ADAP2: variants seen among roughly 807,000 people sequenced by gnomAD.
ADAP2 encodes ArfGAP with dual PH domains 2.
ADAP2 carries 42 observed loss-of-function variants against 54.9 expected under a neutral mutation model. The observed-to-expected ratio is 0.77, with a 90% CI of 0.60 to 0.99. ADAP2 has a LOEUF of 0.99. ADAP2 is among the 50% of genes least tolerant of loss of function. The pLI is 0.00. For synonymous variants in ADAP2, 177 were observed against 180.1 expected, an observed-to-expected ratio of 0.98 and a Z score of 0.14; for missense variants, 429 against 480.4, an observed-to-expected ratio of 0.89 and a Z score of 1.00.
chr17:30,931,988 CT>C lies in ADAP2; in HGVS notation c.397+24del. On this transcript the variant is annotated intron_variant, in intron 4 of 10. Transcript: ENST00000330889. ...TCCCAGGTAAAGTTATTTCCATCAC[CT>C]TTTGAAATCTATGTTTTAATGAGCT... The C allele has an allele frequency of 6.2e-7, 1 of 1,607,618 alleles. No homozygotes were observed. The highest frequency in any genetic ancestry group is 8.5e-7 in the Non-Finnish European group (1 of 1,175,026).
chr17:30,947,640 A>C (rs894282915), intron 6 of ADAP2, among the ~76,000 whole-genome samples: 4 of 152,206 alleles, frequency 2.6e-5, no homozygotes, highest in Non-Finnish European at 5.9e-5. Context: ...GGCGTGAGCC[A>C]CTGCACCTGG....
chr17:30,929,452 G>C (rs959488575), intron 3 of ADAP2, among the ~76,000 whole-genome samples: 1 of 152,138 alleles, frequency 6.6e-6, no homozygotes, highest in South Asian at 2.1e-4. Context: ...GCTGTGCTAG[G>C]CTTCCTGCCG....
chr17:30,953,360 A>G lies in ADAP2; in HGVS notation c.804+10A>G, dbSNP rs776201148. On this transcript the variant is annotated intron_variant, in intron 8 of 10. Transcript: ENST00000330889. ...AAAGACTGGGCCAAAGGTACCTTCT[A>G]TCACTCCCTGGGGAACTTAATATGG... The G allele has an allele frequency of 1.1e-5, 18 of 1,613,208 alleles. No homozygotes were observed. The highest frequency in any genetic ancestry group is 2.2e-5 in the East Asian group (1 of 44,866).
intron 3 of ADAP2, among the ~76,000 whole-genome samples, chr17:30,929,619 C>T (rs1319725625): frequency 6.6e-6 from 1 of 152,222 alleles, no homozygotes; most frequent in East Asian, 1.9e-4. Context: ...GGTTTCCACC[C>T]TCATGGTGGG....
Position 30,957,893 on chromosome 17 carries a change from C to G in ADAP2, c.*24C>G, listed in dbSNP as rs1598062994. The G allele has an allele frequency of 6.2e-7, 1 of 1,609,998 alleles. No homozygotes were observed. Among genetic ancestry groups the G allele is most frequent in the Non-Finnish European group, 8.5e-7 (1 of 1,177,728 alleles). On this transcript the variant is annotated 3_prime_UTR_variant, in exon 11 of 11. Coordinates refer to ENST00000330889, the MANE Select transcript of ADAP2 (RefSeq NM_018404.3). ...GACCCATTAACTGAGGAACTGGCTG[C>G]CACTGAACACCTGGAACTCCTTGTG...
At position 30,922,977 on chromosome 17, in the gene ADAP2, C is replaced by G; in HGVS notation, c.132C>G (p.Ile44Met). The change falls in exon 2 of 11, where the codon ATC (isoleucine) becomes ATG (methionine). Residue 44 changes from isoleucine (I) to methionine (M), a missense_variant. Physicochemically the swap from Ile to Met is conservative, Grantham distance 10. Coordinates refer to ENST00000330889, the MANE Select transcript of ADAP2 (RefSeq NM_018404.3). ...DWASYKLGIF[I>M]CLNCCGVHRN... ...CCTCTTACAAGCTGGGGATCTTCAT[C>G]TGTCTCAACTGCTGCGGCGTCCACC... 1 of 1,614,094 alleles carries G rather than the reference C, an allele frequency of 6.2e-7. No individual in the cohort carries two copies. Among genetic ancestry groups the G allele is most frequent in the Non-Finnish European group, 8.5e-7 (1 of 1,179,994 alleles).
intron 8 of ADAP2, 48 bp downstream of exon 8, chr17:30,953,398 A>G (rs974531501): frequency 2.0e-5 from 31 of 1,574,184 alleles, no homozygotes; most frequent in Non-Finnish European, 2.3e-5. Context: ...TAATGTATAT[A>G]GAAGGTTTCA....
rs139279008 is a variant in ADAP2 at position 30,958,350 on chromosome 17, C to T, written c.*481C>T. ...AGTGAAAGATAAAGTAGTCAATGGC[C>T]GGGCGCAGTGAGATTGCGCCATTGC... On this transcript the variant is annotated 3_prime_UTR_variant, in exon 11 of 11. Coordinates refer to ENST00000330889, the MANE Select transcript of ADAP2 (RefSeq NM_018404.3). The T allele has an allele frequency of 2.6e-3, 399 of 153,668 alleles. 1 individual carries two copies. Among genetic ancestry groups the T allele is most frequent in the African/African-American group, 9.1e-3 (378 of 41,560 alleles). 9.5% of individuals were successfully genotyped at this position (153,668 alleles called of 1,614,324 possible). A position where few individuals can be genotyped will look rare whatever the true frequency, so the allele number is the denominator to read the frequency against.
chr17:30,931,016 T>C (rs1156332898), intron 3 of ADAP2, among the ~76,000 whole-genome samples: 2 of 152,060 alleles, frequency 1.3e-5, no homozygotes, highest in Admixed American at 6.6e-5. Context: ...GGTCACACAG[T>C]GGATAAATGA....
intron 6 of ADAP2, among the ~76,000 whole-genome samples, chr17:30,945,397 C>G (rs2135866): frequency 1.3e-5 from 2 of 152,102 alleles, no homozygotes; most frequent in Admixed American, 1.3e-4. Flanking sequence ...AGTCAGGCAG[C>G]AGTGCACCCC....
At chr17:30,948,064 G>A (rs1008525298) in intron 6 of ADAP2, among the ~76,000 whole-genome samples, 3 of 152,162 alleles carry the variant, frequency 2.0e-5, no homozygotes, top group South Asian at 2.1e-4. Context: ...ACTAACCTGC[G>A]GGATAAGTGG....
chr17:30,938,907 C>T (rs1420660175), intron 5 of ADAP2, among the ~76,000 whole-genome samples: 2 of 152,054 alleles, frequency 1.3e-5, no homozygotes, highest in East Asian at 3.9e-4. Context: ...CCCTAAATAT[C>T]CTGGCTTGAT....
chr17:30,949,539 G>A (rs1904439686), intron 7 of ADAP2, among the ~76,000 whole-genome samples, 169 bp downstream of exon 7: 1 of 152,106 alleles, frequency 6.6e-6, no homozygotes, highest in East Asian at 1.9e-4. Context: ...ACAAGGTCAG[G>A]AGATCGAGAC....
intron 5 of ADAP2, among the ~76,000 whole-genome samples, chr17:30,935,250 C>T (rs1911788927): frequency 6.6e-6 from 1 of 152,126 alleles, no homozygotes; most frequent in South Asian, 2.1e-4. Context: ...TGCCTGTAAT[C>T]CCAGCTACTC....
At chr17:30,944,702 C>G (rs1350268949) in intron 5 of ADAP2, among the ~76,000 whole-genome samples, 1 of 152,108 alleles carries the variant, frequency 6.6e-6, no homozygotes, top group Non-Finnish European at 1.5e-5. Context: ...ATAGGTGATC[C>G]ACCCACCTCA....
chr17:30,956,319 A>C lies in ADAP2; in HGVS notation c.961A>C (p.Ile321Leu), dbSNP rs1450050051. The C allele has an allele frequency of 1.2e-6, 2 of 1,614,226 alleles. No individual in the cohort carries two copies. The highest frequency in any genetic ancestry group is 4.5e-5 in the East Asian group (2 of 44,876). The change falls in exon 10 of 11, where the codon ATC becomes CTC. Residue 321 changes from isoleucine to leucine, a missense_variant. Transcript: ENST00000330889. ...AGCCTACGAAGACCTGCCCAAGGGC[A>C]TCCGAGGAAATCGCTGGAAAGCCGG... The part of the protein sequence containing the change: ...YEAYEDLPKG[I>L]RGNRWKAGLT...
At chr17:30,956,182 C>T (rs1905050922) in intron 9 of ADAP2, 59 bp from the exon 10 acceptor site, 1 of 1,520,922 alleles carries the variant, frequency 6.6e-7, no homozygotes, top group African/African-American at 1.4e-5. Context: ...GCTGTCAGGG[C>T]TGCAGGGCCC....
At chr17:30,943,706 G>C (rs769023014) in intron 5 of ADAP2, among the ~76,000 whole-genome samples, 15 of 151,992 alleles carry the variant, frequency 9.9e-5, no homozygotes, top group Non-Finnish European at 2.1e-4. Flanking sequence ...AATTAGCCAG[G>C]CATGGCGGCA....
At position 30,922,060 on chromosome 17, in the gene ADAP2, CG is replaced by C; in HGVS notation, c.49del (p.Ala17ArgfsTer61). ...CAAGAAGCGGCTGCTGGAGCTGCTG[CG>C]GGCGCCGGACACAGGCAACGCGCAC... Reference protein sequence around the residue: ...RNKKRLLELLRAPDTGNAHCA... With the variant: ...RNKKRLLELLXAPDTGNAHCA... On this transcript the variant is annotated frameshift_variant, in exon 1 of 11. Coordinates refer to ENST00000330889, the MANE Select transcript of ADAP2 (RefSeq NM_018404.3). LOFTEE classifies it high-confidence loss of function. 1 of 1,273,088 alleles carries C rather than the reference CG, an allele frequency of 7.9e-7. No individual in the cohort carries two copies. Among genetic ancestry groups the C allele is most frequent in the Non-Finnish European group, 9.9e-7 (1 of 1,014,688 alleles). The allele number at this position is 1,273,088 out of a possible 1,614,324, so 78.9% of individuals were successfully genotyped here. A position where few individuals can be genotyped will look rare whatever the true frequency, so the allele number is the denominator to read the frequency against.
Sources: allele counts gnomAD v4.1 joint callset (sites outside exome capture counted in the v4.1 genomes callset), GRCh38; gene constraint gnomAD v4.1.1; transcripts MANE v1.5; gene names NCBI Gene and HGNC (gene_info 2026-07-23, HGNC 2026-07-21).